Variants in AGPAT4 observed in about 807,000 individuals in gnomAD.
AGPAT4 encodes the protein 1-acylglycerol-3-phosphate O-acyltransferase 4.
A neutral mutation model predicts 48.0 loss-of-function variants in AGPAT4; 15 were observed. The observed-to-expected ratio is 0.31, with a 90% CI of 0.21 to 0.48. The LOEUF (loss-of-function observed/expected upper bound fraction) is 0.48. AGPAT4 is among the 20% of genes least tolerant of loss of function. AGPAT4 has a pLI of 0.99. For synonymous variants in AGPAT4, 178 were observed against 198.7 expected (o/e 0.90, Z 0.88); for missense variants, 314 against 482.5 (o/e 0.65, Z 3.27).
rs898175602 is a variant in AGPAT4 at position 161,154,960 on chromosome 6, G to A, written c.349-650C>T. ...GGCTGCGGAGCCCAGTGGGATCTCC[G>A]GGTACAGCTGGTCCAAGCTGGGAGT... is the stretch of plus-strand genomic sequence containing the variant. On this transcript the variant is annotated intron_variant, in intron 3 of 8. Transcript: ENST00000320285. The surrounding 1 kb of genome is among the most constrained non-coding windows in gnomAD (Gnocchi z 7.8). Among the ~76,000 whole-genome samples, 5 of 152,222 alleles carry A rather than the reference G, an allele frequency of 3.3e-5. No homozygotes were observed. The highest frequency in any genetic ancestry group is 9.6e-5 in the African/African-American group (4 of 41,454).
At chr6:161,210,302 A>C (rs115260063) in intron 2 of AGPAT4, among the ~76,000 whole-genome samples, 2,119 of 152,326 alleles carry the variant, frequency 0.014, 53 homozygotes, top group African/African-American at 0.049. Flanking sequence ...TATTTGATTT[A>C]CACCTTAGTT....
chr6:161,231,669 T>C lies in AGPAT4; in HGVS notation c.178+367A>G, dbSNP rs1782127863. ...GTATGTATATGTATCTATATAGATA[T>C]ATACACAGAAAGACGCACATGCATT... is the stretch of plus-strand genomic sequence containing the variant. On this transcript the variant is annotated intron_variant, in intron 2 of 8. Transcript: ENST00000320285. This position sits in a 1 kb window ranked among gnomAD's most constrained non-coding sequence, Gnocchi z 5.3. Among the ~76,000 whole-genome samples the C allele has an allele frequency of 6.6e-6, 1 of 152,204 alleles. No homozygotes were observed. The highest frequency in any genetic ancestry group is 6.5e-5 in the Admixed American group (1 of 15,286).
At position 161,139,426 on chromosome 6, in the gene AGPAT4, A is replaced by G. The variant is rs376700763; in HGVS notation, c.1038T>C (p.Phe346=). 1.3e-5 allele frequency: 21 copies of G among 1,613,766 alleles called. No homozygotes were observed. The African/African-American group carries it at 2.5e-4, about 19-fold the overall frequency. ...AGCCCCTTGCCCTCCACTCACCCAC[A>G]AAGAAGACGAGGATGAAGCTGGCCA... The part of the protein sequence containing the change: ...LTLASFILVF[F]VASVGVRWMI... The change falls in exon 8 of 9, where the codon TTT becomes TTC. Residue 346 remains phenylalanine (F), a synonymous_variant. Transcript: ENST00000320285. This position sits in a 1 kb window ranked among gnomAD's most constrained non-coding sequence, Gnocchi z 9.1.
At position 161,134,977 on chromosome 6, in the gene AGPAT4, T is replaced by C. The variant is rs1779018548; in HGVS notation, c.*1563A>G. ...GGATTTTTTCCCTTTTTCACTTCTG[T>C]GGATTCAAATAATTCATTTGTATCA... On this transcript the variant is annotated 3_prime_UTR_variant, in exon 9 of 9. Coordinates refer to ENST00000320285, the MANE Select transcript of AGPAT4 (RefSeq NM_020133.3). 2.2e-5 allele frequency: 3 copies of C among 138,740 alleles called. No homozygotes were observed. In the South Asian group the frequency reaches 7.3e-4, roughly 34 times the overall value. The allele number at this position is 138,740 out of a possible 1,614,324, so 8.6% of individuals were successfully genotyped here. A position where few individuals can be genotyped will look rare whatever the true frequency, so the allele number is the denominator to read the frequency against.
rs2115041322 is a variant in AGPAT4 at position 161,238,189 on chromosome 6, T to A, written c.-89-5887A>T. Among the ~76,000 whole-genome samples the A allele has an allele frequency of 6.6e-6, 1 of 152,274 alleles. No homozygotes were observed. Among genetic ancestry groups the A allele is most frequent in the African/African-American group, 2.4e-5 (1 of 41,548 alleles). On this transcript the variant is annotated intron_variant, in intron 1 of 8. Transcript: ENST00000320285. This position sits in a 1 kb window ranked among gnomAD's most constrained non-coding sequence, Gnocchi z 5.2. ...GCTACAAATCCAGGCCTGGCCACTT[T>A]ACAGCTATGGAAGTTGATTAACTTA...
Position 161,222,316 on chromosome 6 carries a change from T to G in AGPAT4, c.178+9720A>C, listed in dbSNP as rs1178083012. On this transcript the variant is annotated intron_variant, in intron 2 of 8. Transcript: ENST00000320285. This position sits in a 1 kb window ranked among gnomAD's most constrained non-coding sequence, Gnocchi z 5.9. ...GTGTTTGGGTTTTATTTTGTATTTTTTCCAGTTTATAACATACATGATCAT... is the reference window on the plus strand; with the variant it reads ...GTGTTTGGGTTTTATTTTGTATTTTGTCCAGTTTATAACATACATGATCAT... 6.6e-6 allele frequency among the ~76,000 whole-genome samples: 1 copy of G among 152,258 alleles called. No individual in the cohort carries two copies. The highest frequency in any genetic ancestry group is 1.5e-5 in the Non-Finnish European group (1 of 68,044).
Position 161,178,162 on chromosome 6 carries a change from C to T in AGPAT4, c.179-11745G>A, listed in dbSNP as rs1780478011. 2.0e-5 allele frequency among the ~76,000 whole-genome samples: 3 copies of T among 152,180 alleles called. No homozygotes were observed. On this transcript the variant is annotated intron_variant, in intron 2 of 8. Coordinates refer to ENST00000320285, the MANE Select transcript of AGPAT4 (RefSeq NM_020133.3). This position sits in a 1 kb window ranked among gnomAD's most constrained non-coding sequence, Gnocchi z 5.1. ...CTCAAATTCTGTGCTGGGAGAACCA[C>T]TACTCTCTTCAAAGCTGTCAGACAG... is the stretch of plus-strand genomic sequence containing the variant.
rs964529537 is a variant in AGPAT4 at position 161,249,399 on chromosome 6, T to C, written c.-89-17097A>G. Among the ~76,000 whole-genome samples, 12 of 152,156 alleles carry C rather than the reference T, an allele frequency of 7.9e-5. No homozygotes were observed. The highest frequency in any genetic ancestry group is 1.6e-4 in the Non-Finnish European group (11 of 68,030). ...AGACAACCTACAGAATGGGATGATA[T>C]ATTTGCAAACTATGCATCTGACAAA... is the stretch of plus-strand genomic sequence containing the variant. On this transcript the variant is annotated intron_variant, in intron 1 of 8. Coordinates refer to ENST00000320285, the MANE Select transcript of AGPAT4 (RefSeq NM_020133.3). This position sits in a 1 kb window ranked among gnomAD's most constrained non-coding sequence, Gnocchi z 6.2.
chr6:161,197,578 C>G lies in AGPAT4; in HGVS notation c.179-31161G>C, dbSNP rs1583321314. On this transcript the variant is annotated intron_variant, in intron 2 of 8. Coordinates refer to ENST00000320285, the MANE Select transcript of AGPAT4 (RefSeq NM_020133.3). The surrounding 1 kb of genome is among the most constrained non-coding windows in gnomAD (Gnocchi z 5.7). ...ACTGATGTACGCATTACTCCTGGGG[C>G]TCATGTTTTCCTCTCCTGAACCACT... Among the ~76,000 whole-genome samples, 2 of 152,282 alleles carry G rather than the reference C, an allele frequency of 1.3e-5. No homozygotes were observed. Among genetic ancestry groups the G allele is most frequent in the East Asian group, 3.9e-4 (2 of 5,176 alleles).
At chr6:161,168,136 G>A (rs908703893) in intron 2 of AGPAT4, among the ~76,000 whole-genome samples, 4 of 151,974 alleles carry the variant, frequency 2.6e-5, no homozygotes, top group African/African-American at 7.3e-5. Context: ...GTGGGGTGGG[G>A]GGCTAGGGTA....
rs1286966665 is a variant in AGPAT4, at chr6:161,244,625, C to A, written c.-89-12323G>T. Among the ~76,000 whole-genome samples the A allele has an allele frequency of 3.9e-5, 6 of 152,088 alleles. No individual in the cohort carries two copies. The highest frequency in any genetic ancestry group is 1.4e-4 in the African/African-American group (6 of 41,408). On this transcript the variant is annotated intron_variant, in intron 1 of 8. Transcript: ENST00000320285. This position sits in a 1 kb window ranked among gnomAD's most constrained non-coding sequence, Gnocchi z 4.7. ...CTGTGTGAGCAGACAGGCCAGGAAA[C>A]CATGAGGATAATAATACTGAACCAC...
chr6:161,135,017 C>T lies in AGPAT4; in HGVS notation c.*1523G>A, dbSNP rs1779020407. 6.6e-6 allele frequency: 1 copy of T among 150,500 alleles called. No individual in the cohort carries two copies. 9.3% of individuals were successfully genotyped at this position (150,500 alleles called of 1,614,324 possible). A position where few individuals can be genotyped will look rare whatever the true frequency, so the allele number is the denominator to read the frequency against. ...CATTTGTATCAACAAACAAACAATG[C>T]ATTATTGTCCTGTAAGCAGAGGGAG... On this transcript the variant is annotated 3_prime_UTR_variant, in exon 9 of 9. Coordinates refer to ENST00000320285, the MANE Select transcript of AGPAT4 (RefSeq NM_020133.3).
At position 161,215,207 on chromosome 6, in the gene AGPAT4, T is replaced by C. The variant is rs116899688; in HGVS notation, c.178+16829A>G. Among the ~76,000 whole-genome samples the C allele has an allele frequency of 0.017, 2,594 of 152,368 alleles. 35 individuals carry two copies. The highest frequency in any genetic ancestry group is 0.027 in the Admixed American group (412 of 15,308). On this transcript the variant is annotated intron_variant, in intron 2 of 8. Transcript: ENST00000320285. The surrounding 1 kb of genome is among the most constrained non-coding windows in gnomAD (Gnocchi z 4.5). ...TACATTAATGACCCTATTTAACTTATGATCCTACTCTTCCATAACTCATAC... is the reference window on the plus strand; with the variant it reads ...TACATTAATGACCCTATTTAACTTACGATCCTACTCTTCCATAACTCATAC...
rs1330610670 is a variant in AGPAT4 at position 161,195,016 on chromosome 6, C to T, written c.179-28599G>A. Among the ~76,000 whole-genome samples the T allele has an allele frequency of 6.6e-6, 1 of 152,134 alleles. No homozygotes were observed. The highest frequency in any genetic ancestry group is 2.4e-5 in the African/African-American group (1 of 41,404). On this transcript the variant is annotated intron_variant, in intron 2 of 8. Coordinates refer to ENST00000320285, the MANE Select transcript of AGPAT4 (RefSeq NM_020133.3). This position sits in a 1 kb window ranked among gnomAD's most constrained non-coding sequence, Gnocchi z 5.0. ...TTACTTGCCCCGGGAGAAGCTTTGG[C>T]CACCACCTTCCAAGTCCTTGCTTAA...
intron 2 of AGPAT4, among the ~76,000 whole-genome samples, chr6:161,176,308 A>G (rs185124380): frequency 4.1e-3 from 625 of 152,258 alleles, no homozygotes; most frequent in Non-Finnish European, 6.9e-3. Context: ...TGCTTTATGA[A>G]TCTGGGTGCT....
Position 161,142,069 on chromosome 6 carries a change from G to A in AGPAT4, c.844-2449C>T, listed in dbSNP as rs1254155757. Among the ~76,000 whole-genome samples, 4 of 152,200 alleles carry A rather than the reference G, an allele frequency of 2.6e-5. No individual in the cohort carries two copies. Among genetic ancestry groups the A allele is most frequent in the African/African-American group, 7.2e-5 (3 of 41,452 alleles). On this transcript the variant is annotated intron_variant, in intron 7 of 8. Transcript: ENST00000320285. The surrounding 1 kb of genome is among the most constrained non-coding windows in gnomAD (Gnocchi z 6.4). ...GGGTTTTACCATGTTGGCCAGGCTG[G>A]TATTGAACTCCTGACCTCAGGTGAT... is the stretch of plus-strand genomic sequence containing the variant.
At chr6:161,151,311 C>T (rs1204864418) in intron 5 of AGPAT4, among the ~76,000 whole-genome samples, 3 of 152,246 alleles carry the variant, frequency 2.0e-5, no homozygotes, top group Non-Finnish European at 4.4e-5. Flanking sequence ...GTGCACAGTG[C>T]GTACAGGGCC....
intron 2 of AGPAT4, among the ~76,000 whole-genome samples, chr6:161,194,765 G>A (rs1306036035): frequency 1.3e-5 from 2 of 152,066 alleles, no homozygotes; most frequent in East Asian, 1.9e-4. Flanking sequence ...ATGTGTCCTC[G>A]ACAAGGCTGT....
chr6:161,224,488 A>G (rs1781915042), intron 2 of AGPAT4, among the ~76,000 whole-genome samples: 1 of 151,986 alleles, frequency 6.6e-6, no homozygotes, highest in Non-Finnish European at 1.5e-5. Flanking sequence ...CTAAAAATAT[A>G]AAAATTAGCT....
Sources: allele counts gnomAD v4.1 joint callset (sites outside exome capture counted in the v4.1 genomes callset), GRCh38; gene constraint gnomAD v4.1.1; non-coding constraint Gnocchi (gnomAD v3.1); transcripts MANE v1.5; gene names NCBI Gene and HGNC (gene_info 2026-07-23, HGNC 2026-07-21).